The following RFX3 variants were observed in gnomAD, a reference collection of about 807,000 sequenced individuals.
RFX3 encodes the protein regulatory factor X3.
A neutral mutation model predicts 98.6 loss-of-function variants in RFX3; 14 were observed. The observed-to-expected ratio is 0.14, with a 90% CI of 0.09 to 0.22. The LOEUF (loss-of-function observed/expected upper bound fraction) is 0.22, where lower values mean the gene tolerates loss of function less well. Among genes scored for constraint, RFX3 ranks in the 10% least tolerant of loss-of-function variants. The pLI is 1.00. For synonymous variants in RFX3, 383 were observed against 328.4 expected, an observed-to-expected ratio of 1.17 and a Z score of -1.80; for missense variants, 639 against 926.9, an observed-to-expected ratio of 0.69 and a Z score of 4.03.
chr9:3,348,626 T>C (rs996198130), intron 2 of RFX3, among the ~76,000 whole-genome samples: 1 of 152,066 alleles, frequency 6.6e-6, no homozygotes, highest in African/African-American at 2.4e-5. Context: ...GATAAGTACA[T>C]GATTCTTTTT....
chr9:3,505,221 T>TA (rs1816833357), intron 1 of RFX3, among the ~76,000 whole-genome samples: 1 of 79,404 alleles, frequency 1.3e-5, no homozygotes. Flanking sequence ...TGAATATATA[T>TA]TTATATATGA....
chr9:3,400,269 AC>A (rs1259689338), intron 1 of RFX3: 1 of 904,238 alleles, frequency 1.1e-6, no homozygotes, highest in Non-Finnish European at 1.3e-6. Flanking sequence ...AAAGTTGTCA[AC>A]TACTTAATAG....
At chr9:3,252,140 C>T (rs1018054121) in intron 14 of RFX3, among the ~76,000 whole-genome samples, 1 of 152,178 alleles carries the variant, frequency 6.6e-6, no homozygotes, top group East Asian at 1.9e-4. Flanking sequence ...ATCATGTGAA[C>T]AACTAAGGAG....
chr9:3,411,082 C>T (rs1472962684), intron 1 of RFX3, among the ~76,000 whole-genome samples: 1 of 152,156 alleles, frequency 6.6e-6, no homozygotes, highest in Non-Finnish European at 1.5e-5. Flanking sequence ...AAATTACACA[C>T]AAATATGAGC....
At chr9:3,232,541 T>A (rs529327169) in intron 15 of RFX3, among the ~76,000 whole-genome samples, 1 of 152,292 alleles carries the variant, frequency 6.6e-6, no homozygotes, top group East Asian at 1.9e-4. Context: ...CATAAATGTA[T>A]CCCACCTGGT....
At chr9:3,452,402 G>A in intron 1 of RFX3, 1 of 304,770 alleles carries the variant, frequency 3.3e-6, no homozygotes, top group South Asian at 2.7e-5. Flanking sequence ...TCCAGCTTGG[G>A]CAACATACGG....
intron 1 of RFX3, among the ~76,000 whole-genome samples, chr9:3,513,885 C>A (rs1025887744): frequency 1.3e-5 from 2 of 152,178 alleles, no homozygotes; most frequent in East Asian, 1.9e-4. Context: ...TATAAACCCA[C>A]AACTACTATA....
chr9:3,345,369 C>T (rs1834343103), intron 3 of RFX3, among the ~76,000 whole-genome samples: 1 of 151,962 alleles, frequency 6.6e-6, no homozygotes, highest in Admixed American at 6.6e-5. Context: ...GAAAATAAGG[C>T]GGAGGTAGGA....
intron 15 of RFX3, among the ~76,000 whole-genome samples, chr9:3,233,370 G>A (rs942704297): frequency 6.6e-6 from 1 of 152,200 alleles, no homozygotes; most frequent in Non-Finnish European, 1.5e-5. Flanking sequence ...GCTCAGCGTG[G>A]GAGAATGCAG....
At chr9:3,474,686 G>A (rs183721402) in intron 1 of RFX3, among the ~76,000 whole-genome samples, 24 of 152,308 alleles carry the variant, frequency 1.6e-4, no homozygotes, top group African/African-American at 5.1e-4. Flanking sequence ...CAGAAACAGT[G>A]CTTATTTGCC....
chr9:3,275,622 T>A lies in RFX3; in HGVS notation c.974-10A>T, dbSNP rs779997249. 3 of 1,537,024 alleles carry A rather than the reference T, an allele frequency of 2.0e-6. No individual in the cohort carries two copies. In the East Asian group the frequency reaches 6.8e-5, roughly 35 times the overall value. On this transcript the variant is annotated splice_polypyrimidine_tract_variant and intron_variant, in intron 8 of 16. Transcript: ENST00000617270. ...AGTGCTCGAGATGCATCTGTTACCG[T>A]GACAACAGAACAGAAAAAAGCTATT...
intron 2 of RFX3, among the ~76,000 whole-genome samples, chr9:3,358,233 G>C (rs1039114620): frequency 6.6e-6 from 1 of 152,126 alleles, no homozygotes; most frequent in African/African-American, 2.4e-5. Flanking sequence ...GTTTAGGTCT[G>C]TATGACAATT....
chr9:3,428,551 A>T (rs1258068246), intron 1 of RFX3, among the ~76,000 whole-genome samples: 1 of 152,196 alleles, frequency 6.6e-6, no homozygotes, highest in Non-Finnish European at 1.5e-5. Flanking sequence ...TGTCCTTCAT[A>T]ACCCTTACTT....
chr9:3,435,048 ATGGT>A (rs1844995042), intron 1 of RFX3, among the ~76,000 whole-genome samples: 1 of 152,024 alleles, frequency 6.6e-6, no homozygotes, highest in African/African-American at 2.4e-5. Context: ...GAGATAAAAA[ATGGT>A]ATATTTGTAT....
At chr9:3,341,642 TATAGATTG>T (rs1396706987) in intron 3 of RFX3, among the ~76,000 whole-genome samples, 1 of 152,132 alleles carries the variant, frequency 6.6e-6, no homozygotes, top group African/African-American at 2.4e-5. Flanking sequence ...ATTCAGCAAA[TATAGATTG>T]AGCACCGATC....
At chr9:3,515,693 G>C (rs1818083940) in intron 1 of RFX3, among the ~76,000 whole-genome samples, 1 of 152,212 alleles carries the variant, frequency 6.6e-6, no homozygotes, top group South Asian at 2.1e-4. Context: ...CTCTAAAATG[G>C]TTTTGAACAT....
At chr9:3,460,131 C>T (rs1847557878) in intron 1 of RFX3, among the ~76,000 whole-genome samples, 1 of 152,038 alleles carries the variant, frequency 6.6e-6, no homozygotes, top group Non-Finnish European at 1.5e-5. Context: ...TGGCTTACAA[C>T]CCAGCTTAGA....
rs562405766 is a variant in RFX3 at position 3,331,011 on chromosome 9, C to T, written c.216-494G>A. On this transcript the variant is annotated intron_variant, in intron 3 of 16. Coordinates refer to ENST00000617270, the MANE Select transcript of RFX3 (RefSeq NM_001282116.2). ...CTATCATGGATCTCTTTCTTACCTC[C>T]ATAAGGATCTTAAGCAAATAGTTTA... is the stretch of plus-strand genomic sequence containing the variant. 3.5e-4 allele frequency among the ~76,000 whole-genome samples: 53 copies of T among 152,276 alleles called. No individual in the cohort carries two copies. In the South Asian group the frequency reaches 8.9e-3, roughly 26 times the overall value.
intron 1 of RFX3, among the ~76,000 whole-genome samples, chr9:3,476,853 G>A (rs1849308315): frequency 6.6e-6 from 1 of 152,032 alleles, no homozygotes; most frequent in African/African-American, 2.4e-5. Flanking sequence ...AAAAGCTTGG[G>A]CTTTAGTGTT....
Sources: gnomAD v4.1 joint callset for allele counts (sites outside exome capture counted in the v4.1 genomes callset) on GRCh38, gnomAD v4.1.1 for gene constraint, MANE v1.5 for transcripts, NCBI Gene and HGNC (gene_info 2026-07-23, HGNC 2026-07-21) for gene names.